The following DENND1B variants were observed in gnomAD, a reference collection of about 807,000 sequenced individuals.
DENND1B encodes the protein DENN domain containing 1B, also known as DENN domain-containing protein 1B.
A neutral mutation model predicts 90.1 loss-of-function variants in DENND1B; 59 were observed. The observed-to-expected ratio is 0.65, with a 90% confidence interval of 0.53 to 0.81. The LOEUF is 0.81. Ranked by LOEUF, DENND1B falls within the 40% of genes least tolerant of loss-of-function variation. The probability of loss-of-function intolerance (pLI) is 0.00; values close to 1 mark genes in which losing one functional copy is unlikely to be tolerated. For synonymous variants in DENND1B, 337 were observed against 324.6 expected (o/e 1.04, Z -0.41); for missense variants, 862 against 912.6 (o/e 0.94, Z 0.71).
At chr1:197,549,466 G>C (rs1026507736) in intron 16 of DENND1B, among the ~76,000 whole-genome samples, 3 of 152,128 alleles carry the variant, frequency 2.0e-5, no homozygotes, top group Admixed American at 6.6e-5. Flanking sequence ...GCTAGTGATA[G>C]AGAGTAACCA....
chr1:197,762,645 T>C (rs184933690), intron 2 of DENND1B, among the ~76,000 whole-genome samples: 3 of 152,312 alleles, frequency 2.0e-5, no homozygotes, highest in Non-Finnish European at 2.9e-5. Flanking sequence ...ATTGGATTTC[T>C]AGACTTGTTC....
intron 2 of DENND1B, among the ~76,000 whole-genome samples, chr1:197,752,564 T>C (rs1181577673): frequency 3.3e-5 from 5 of 152,068 alleles, no homozygotes; most frequent in Admixed American, 6.5e-5. Context: ...TTGAAAACAC[T>C]AACTTCTGAT....
intron 7 of DENND1B, among the ~76,000 whole-genome samples, chr1:197,649,315 T>C (rs115195008): frequency 0.014 from 2,095 of 152,288 alleles, 25 homozygotes; most frequent in Non-Finnish European, 0.02. Flanking sequence ...GGACTTTATA[T>C]AGCTTAAGTA....
intron 5 of DENND1B, among the ~76,000 whole-genome samples, chr1:197,670,251 A>G (rs562994334): frequency 2.0e-4 from 31 of 152,304 alleles, no homozygotes; most frequent in African/African-American, 7.2e-4. Flanking sequence ...TTTGTGAATG[A>G]TTAATAAGTT....
chr1:197,576,107 G>GA (rs919311178), intron 15 of DENND1B, among the ~76,000 whole-genome samples: 119 of 150,820 alleles, frequency 7.9e-4, no homozygotes, highest in African/African-American at 2.9e-3. Context: ...AAAAGAAAAA[G>GA]AAAAAAAAAT....
chr1:197,727,199 A>G (rs1449224108), intron 2 of DENND1B, among the ~76,000 whole-genome samples: 1 of 152,218 alleles, frequency 6.6e-6, no homozygotes, highest in Non-Finnish European at 1.5e-5. Context: ...GAACATGCTT[A>G]CTAATAATTA....
At chr1:197,677,014 A>T (rs1656151885) in intron 3 of DENND1B, among the ~76,000 whole-genome samples, 1 of 152,190 alleles carries the variant, frequency 6.6e-6, no homozygotes, top group Admixed American at 6.6e-5. Flanking sequence ...CTTCAAAAAA[A>T]AACACTAACG....
intron 3 of DENND1B, among the ~76,000 whole-genome samples, chr1:197,679,815 T>G (rs1047322414): frequency 6.7e-6 from 1 of 149,494 alleles, no homozygotes; most frequent in Non-Finnish European, 1.5e-5. Flanking sequence ...GTTGTTTTTT[T>G]TTTTTTTTTT....
chr1:197,731,530 C>T (rs368572597), intron 2 of DENND1B, among the ~76,000 whole-genome samples: 1 of 152,182 alleles, frequency 6.6e-6, no homozygotes, highest in African/African-American at 2.4e-5. Flanking sequence ...AAAGCATTCA[C>T]GGCATGGTAG....
At chr1:197,672,229 T>A in intron 4 of DENND1B, 73 bp from the exon 5 acceptor site, 1 of 1,494,836 alleles carries the variant, frequency 6.7e-7, no homozygotes, top group Non-Finnish European at 9.0e-7. Context: ...AAAATAAGAG[T>A]ATATTTATAT....
At chr1:197,624,384 C>A (rs893611626) in intron 10 of DENND1B, among the ~76,000 whole-genome samples, 10 of 151,606 alleles carry the variant, frequency 6.6e-5, no homozygotes, top group African/African-American at 1.9e-4. Context: ...AAAAATGAAT[C>A]TAGATACAGT....
At chr1:197,690,302 C>T in intron 3 of DENND1B, 1 of 199,636 alleles carries the variant, frequency 5.0e-6, no homozygotes. Flanking sequence ...TTATCTTGAG[C>T]CAACCAGGCC....
rs867467608 is a variant in DENND1B at position 197,611,995 on chromosome 1, T to C, written c.774-19A>G. ...TGGGGCACTAAATTAAAAATATATA[T>C]ATGCATAGATTCATATAGTTCATTA... On this transcript the variant is annotated intron_variant, in intron 11 of 22. Transcript: ENST00000620048. The C allele has an allele frequency of 3.8e-6, 6 of 1,578,954 alleles. No homozygotes were observed. Among genetic ancestry groups the C allele is most frequent in the East Asian group, 2.3e-5 (1 of 44,238 alleles).
chr1:197,697,163 T>C (rs570368920), intron 3 of DENND1B, among the ~76,000 whole-genome samples: 4 of 151,036 alleles, frequency 2.6e-5, no homozygotes, highest in Non-Finnish European at 5.9e-5. Flanking sequence ...CCATGCCCTC[T>C]CATTTGCTGA....
At chr1:197,652,205 C>T (rs752892629) in intron 7 of DENND1B, 30 bp downstream of exon 7, 1 of 1,588,790 alleles carries the variant, frequency 6.3e-7, no homozygotes, top group Non-Finnish European at 8.6e-7. Flanking sequence ...AGCTATGACT[C>T]CCAAAAACAA....
intron 3 of DENND1B, among the ~76,000 whole-genome samples, chr1:197,707,413 A>G (rs1352840011): frequency 6.6e-6 from 1 of 151,894 alleles, no homozygotes; most frequent in East Asian, 1.9e-4. Flanking sequence ...TAGCTAGAAG[A>G]GCAGATTTTG....
At chr1:197,734,134 T>A in intron 2 of DENND1B, 1 of 936,492 alleles carries the variant, frequency 1.1e-6, no homozygotes, top group Non-Finnish European at 1.3e-6. Flanking sequence ...TGTCATATCT[T>A]TTCATATTCC....
intron 5 of DENND1B, among the ~76,000 whole-genome samples, chr1:197,665,845 A>G (rs1654889047): frequency 6.6e-6 from 1 of 152,140 alleles, no homozygotes; most frequent in South Asian, 2.1e-4. Flanking sequence ...CACAATAGAA[A>G]AAAATTAGTG....
chr1:197,516,559 CA>C, intron 20 of DENND1B, among the ~76,000 whole-genome samples: 1 of 151,786 alleles, frequency 6.6e-6, no homozygotes, highest in Non-Finnish European at 1.5e-5. Flanking sequence ...CTCTGAAGCA[CA>C]GTGCTTTCAG....
Sources: allele counts gnomAD v4.1 joint callset (sites outside exome capture counted in the v4.1 genomes callset), GRCh38; gene constraint gnomAD v4.1.1; transcripts MANE v1.5; gene names NCBI Gene and HGNC (gene_info 2026-07-23, HGNC 2026-07-21).